The following EOGT variants were observed in gnomAD, a reference collection of about 807,000 sequenced individuals.
EOGT encodes the protein EGF domain specific O-linked N-acetylglucosamine transferase.
A neutral mutation model predicts 70.5 loss-of-function variants in EOGT; 55 were observed. The ratio of observed to expected loss-of-function variants is 0.78; its 90% CI spans 0.63 to 0.98. The LOEUF (loss-of-function observed/expected upper bound fraction) is 0.98. EOGT is among the 50% of genes least tolerant of loss of function. The probability of loss-of-function intolerance (pLI) is 0.00; values close to 1 mark genes in which losing one functional copy is unlikely to be tolerated. For missense variants in EOGT, 703 were observed against 641.9 expected (o/e 1.10, Z -1.03); for synonymous variants, 246 against 217.1 (o/e 1.13, Z -1.17).
intron 10 of EOGT, among the ~76,000 whole-genome samples, chr3:68,991,822 A>G (rs910565040): frequency 6.6e-6 from 1 of 152,216 alleles, no homozygotes; most frequent in Non-Finnish European, 1.5e-5. Flanking sequence ...CTGGACTTAC[A>G]GTTCCACATG....
intron 9 of EOGT, among the ~76,000 whole-genome samples, chr3:69,001,108 C>G (rs2091283019): frequency 6.6e-6 from 1 of 152,036 alleles, no homozygotes; most frequent in Admixed American, 6.6e-5. Context: ...AGGTGCCTGC[C>G]ACCACGCCCA....
In EOGT at chr3:69,009,716, T is replaced by G. The variant is rs2091525373; in HGVS notation, c.131A>C (p.Glu44Ala). 2 of 1,613,964 alleles carry G rather than the reference T, an allele frequency of 1.2e-6. No homozygotes were observed. Among genetic ancestry groups the G allele is most frequent in the South Asian group, 2.2e-5 (2 of 91,094 alleles). Residue 44 changes from glutamate (E) to alanine (A), a missense_variant, in exon 4 of 18, where the codon GAG becomes GCG. By Grantham distance (107) the Glu-to-Ala change is moderately radical (BLOSUM62 -1). Coordinates refer to ENST00000383701, the MANE Select transcript of EOGT (RefSeq NM_001278689.2). ...GTGCAAAAAGAAGGGAATGTGCTCC[T>G]CTGGCAAGCGGATGCTGGCATAGTT... is the stretch of plus-strand genomic sequence containing the variant. ...LYNYASIRLP[E>A]EHIPFFLHNN... is the part of the protein sequence containing the mutation.
At chr3:69,006,333 A>G (rs900320776) in intron 6 of EOGT, among the ~76,000 whole-genome samples, 3 of 152,192 alleles carry the variant, frequency 2.0e-5, no homozygotes, top group Non-Finnish European at 4.4e-5. Flanking sequence ...TCACCTTGCT[A>G]GAATGCTCAA....
Position 68,988,545 on chromosome 3 carries a change from G to C in EOGT, c.957C>G (p.Leu319=), listed in dbSNP as rs1019758298. Residue 319 remains leucine (L), a synonymous_variant, in exon 12 of 18, where the codon CTC becomes CTG. Coordinates refer to ENST00000383701, the MANE Select transcript of EOGT (RefSeq NM_001278689.2). The part of the protein sequence containing the change: ...VCFKEAVFSL[L]PRMRYGLFYN... Reference sequence around the variant, plus strand: ...AGAACAGCCCATACCTCATGCGGGGGAGTAATGAAAAAACAGCTTCTTTAA... The same window carrying C: ...AGAACAGCCCATACCTCATGCGGGGCAGTAATGAAAAAACAGCTTCTTTAA... 4 of 1,531,998 alleles carry C rather than the reference G, an allele frequency of 2.6e-6. No individual in the cohort carries two copies. Among genetic ancestry groups the C allele is most frequent in the Non-Finnish European group, 3.5e-6 (4 of 1,145,272 alleles). The allele number at this position is 1,531,998 out of a possible 1,614,324, so 94.9% of individuals were successfully genotyped here.
At chr3:68,989,160 G>A in intron 10 of EOGT, 143 bp from the exon 11 acceptor site, 1 of 511,278 alleles carries the variant, frequency 2.0e-6, no homozygotes, top group Non-Finnish European at 3.4e-6. Flanking sequence ...AAGCAAAATG[G>A]ATCTTCATCT....
chr3:68,982,430 G>A lies in EOGT; in HGVS notation c.1214+381C>T, dbSNP rs139387707. On this transcript the variant is annotated intron_variant, in intron 15 of 17. Transcript: ENST00000383701. ...AGCTACTCGGGAGGCAGAGGCAGGA[G>A]AATTACTTGAACCCAGGAGGTGGAG... Among the ~76,000 whole-genome samples the A allele has an allele frequency of 1.9e-3, 290 of 152,262 alleles. 1 individual carries two copies. The highest frequency in any genetic ancestry group is 6.8e-3 in the African/African-American group (282 of 41,550).
chr3:68,985,338 C>T (rs2090774895), intron 14 of EOGT, among the ~76,000 whole-genome samples: 1 of 152,140 alleles, frequency 6.6e-6, no homozygotes, highest in African/African-American at 2.4e-5. Context: ...TGTTCATGTC[C>T]TCTGTAATCC....
intron 8 of EOGT, among the ~76,000 whole-genome samples, chr3:69,004,149 ATTTT>A (rs1193971965): frequency 1.3e-5 from 2 of 152,164 alleles, no homozygotes; most frequent in African/African-American, 4.8e-5. Flanking sequence ...TTTTAAGCTG[ATTTT>A]TTTCTTTCAT....
At chr3:68,977,830 A>G (rs1429338472) in intron 17 of EOGT, 66 bp from the exon 18 acceptor site, 2 of 1,499,426 alleles carry the variant, frequency 1.3e-6, no homozygotes, top group Non-Finnish European at 1.8e-6. Flanking sequence ...TACAGCAGGA[A>G]AATTATGTTA....
chr3:69,002,531 T>C (rs41375844), intron 8 of EOGT, among the ~76,000 whole-genome samples: 1,903 of 152,250 alleles, frequency 0.012, 40 homozygotes, highest in African/African-American at 0.043. Context: ...CTAAGTGACT[T>C]GAGACATTGC....
rs149690852 is a variant in EOGT, at chr3:68,977,573, T to C, written c.*45A>G. 2,605 of 1,593,260 alleles carry C rather than the reference T, an allele frequency of 1.6e-3. 5 individuals are homozygous for C. Among genetic ancestry groups the C allele is most frequent in the Non-Finnish European group, 2.0e-3 (2,298 of 1,163,834 alleles). Reference sequence around the variant, plus strand: ...ACTGATTTAATTCTAAGTCTGGGTGTTGGAGTGTTTAAACACTCTCTTTTT... The same window carrying C: ...ACTGATTTAATTCTAAGTCTGGGTGCTGGAGTGTTTAAACACTCTCTTTTT... On this transcript the variant is annotated 3_prime_UTR_variant, in exon 18 of 18. Coordinates refer to ENST00000383701, the MANE Select transcript of EOGT (RefSeq NM_001278689.2).
rs550516641 is a variant in EOGT, at chr3:68,996,286, T to C, written c.831+1725A>G. ...GGGAGCAGTGATCCTGAAAACCTTT[T>C]TACACAGCTCTACTACAAGCCTCTT... On this transcript the variant is annotated intron_variant, in intron 10 of 17. Transcript: ENST00000383701. Among the ~76,000 whole-genome samples, 3 of 152,280 alleles carry C rather than the reference T, an allele frequency of 2.0e-5. No individual in the cohort carries two copies. The South Asian group carries it at 6.2e-4, about 32-fold the overall frequency.
At chr3:69,005,986 T>C (rs1453435143) in intron 6 of EOGT, among the ~76,000 whole-genome samples, 2 of 152,230 alleles carry the variant, frequency 1.3e-5, no homozygotes, top group East Asian at 1.9e-4. Flanking sequence ...TGAATGTCCG[T>C]GTCTCTGCCA....
chr3:69,004,424 G>T lies in EOGT; in HGVS notation c.574C>A (p.Arg192Ser), dbSNP rs776583381. 1.2e-6 allele frequency: 2 copies of T among 1,614,084 alleles called. No homozygotes were observed. The highest frequency in any genetic ancestry group is 1.1e-5 in the South Asian group (1 of 91,082). ...CGCTGACCTTCAGACGTCAATGTAC[G>T]GATGTCAAGTTTACAGTGCCCTCCA... ...EIGGHCKLDI[R>S]TLTSEGQRKS... The change falls in exon 8 of 18, where the codon CGT (arginine) becomes AGT (serine). Residue 192 changes from arginine (R) to serine (S), a missense_variant. By Grantham distance (110) the Arg-to-Ser change is moderately radical. Coordinates refer to ENST00000383701, the MANE Select transcript of EOGT (RefSeq NM_001278689.2).
In EOGT at chr3:69,008,449, CAAACTGGGT is replaced by C. The variant is rs1368119259; in HGVS notation, c.281_289del (p.Tyr94_Val96del). 1 of 1,614,044 alleles carries C rather than the reference CAAACTGGGT, an allele frequency of 6.2e-7. No homozygotes were observed. The highest frequency in any genetic ancestry group is 1.7e-5 in the Admixed American group (1 of 60,026). On this transcript the variant is annotated inframe_deletion, in exon 5 of 18. Coordinates refer to ENST00000383701, the MANE Select transcript of EOGT (RefSeq NM_001278689.2). ...TTACCATCCCATGTCGACATAGCTG[CAAACTGGGT>C]AACCAAACCTGAACTCTGGTTTGCA...
At chr3:68,999,791 C>G (rs1177259577) in intron 9 of EOGT, among the ~76,000 whole-genome samples, 1 of 152,150 alleles carries the variant, frequency 6.6e-6, no homozygotes, top group Non-Finnish European at 1.5e-5. Context: ...AGGAATGCAG[C>G]AAGCACAAAT....
At chr3:68,983,004 C>A (rs1031765673) in intron 14 of EOGT, 132 bp from the exon 15 acceptor site, 8 of 507,218 alleles carry the variant, frequency 1.6e-5, no homozygotes, top group East Asian at 3.6e-5. Flanking sequence ...ACAACAACAA[C>A]AAATAAAAAG....
chr3:69,008,053 C>G (rs1259556566), intron 5 of EOGT, among the ~76,000 whole-genome samples: 2 of 152,186 alleles, frequency 1.3e-5, no homozygotes, highest in African/African-American at 2.4e-5. Flanking sequence ...AAGTTATCAC[C>G]TGAAACTGAA....
chr3:68,991,677 C>G (rs1294392382), intron 10 of EOGT, among the ~76,000 whole-genome samples: 1 of 152,172 alleles, frequency 6.6e-6, no homozygotes, highest in African/African-American at 2.4e-5. Context: ...TGGCCAGGCT[C>G]ATGGCTGTAA....
Sources: allele counts gnomAD v4.1 joint callset (sites outside exome capture counted in the v4.1 genomes callset), GRCh38; gene constraint gnomAD v4.1.1; transcripts MANE v1.5; gene names NCBI Gene and HGNC (gene_info 2026-07-23, HGNC 2026-07-21).